EYS: variants seen among roughly 807,000 people sequenced by gnomAD.
The protein encoded by EYS is protein eyes shut homolog.
A neutral mutation model predicts 282.1 loss-of-function variants in EYS; 250 were observed. The observed-to-expected ratio is 0.89, with a 90% CI of 0.80 to 0.98. The LOEUF is 0.98. EYS is among the 50% of genes least tolerant of loss of function. EYS has a pLI of 0.00. For missense variants in EYS, 4,016 were observed against 3,709.0 expected, an observed-to-expected ratio of 1.08 and a Z score of -2.15; for synonymous variants, 1,355 against 1,282.9, an observed-to-expected ratio of 1.06 and a Z score of -1.20.
At chr6:64,829,015 C>T (rs938774721) in intron 19 of EYS, among the ~76,000 whole-genome samples, 1 of 151,894 alleles carries the variant, frequency 6.6e-6, no homozygotes, top group Non-Finnish European at 1.5e-5. Context: ...TGGTCATAAT[C>T]TTTGGGTGGA....
intron 30 of EYS, among the ~76,000 whole-genome samples, chr6:64,290,204 T>C (rs1311673592): frequency 6.6e-6 from 1 of 152,160 alleles, no homozygotes; most frequent in East Asian, 1.9e-4. Flanking sequence ...ACCAAGGAAG[T>C]ATTTTTATCA....
chr6:63,736,123 C>A (rs1265036111), intron 41 of EYS, among the ~76,000 whole-genome samples: 1 of 148,962 alleles, frequency 6.7e-6, no homozygotes, highest in African/African-American at 2.6e-5. Flanking sequence ...GCTTTTGTTG[C>A]CATTGCTTTT....
chr6:64,517,696 T>C (rs921819240), intron 26 of EYS, among the ~76,000 whole-genome samples: 2 of 151,686 alleles, frequency 1.3e-5, no homozygotes, highest in Admixed American at 6.6e-5. Flanking sequence ...ATTAATTACT[T>C]CTCATATTGA....
At chr6:64,418,869 G>T (rs1361485036) in intron 28 of EYS, among the ~76,000 whole-genome samples, 1 of 151,924 alleles carries the variant, frequency 6.6e-6, no homozygotes, top group Admixed American at 6.6e-5. Flanking sequence ...ATTGTGATTT[G>T]ATCACACAGT....
At chr6:63,774,757 C>T (rs1211298854) in intron 40 of EYS, among the ~76,000 whole-genome samples, 1 of 151,530 alleles carries the variant, frequency 6.6e-6, no homozygotes, top group Non-Finnish European at 1.5e-5. Flanking sequence ...AAAAAAGTAC[C>T]ACTTAAATAA....
chr6:65,151,435 A>G (rs1028721566), intron 12 of EYS, among the ~76,000 whole-genome samples: 2 of 151,980 alleles, frequency 1.3e-5, no homozygotes, highest in Non-Finnish European at 2.9e-5. Context: ...ATGGCTATTT[A>G]AGATTGTCAA....
intron 2 of EYS, among the ~76,000 whole-genome samples, chr6:65,503,300 G>A (rs932400726): frequency 2.0e-5 from 3 of 151,496 alleles, no homozygotes; most frequent in Admixed American, 6.6e-5. Flanking sequence ...TCTTATGCAC[G>A]TTTAATTAGT....
At chr6:64,257,458 G>A (rs1434772916) in intron 30 of EYS, among the ~76,000 whole-genome samples, 1 of 151,898 alleles carries the variant, frequency 6.6e-6, no homozygotes, top group Non-Finnish European at 1.5e-5. Flanking sequence ...TATCCAAGCT[G>A]ACCCAAATCC....
chr6:64,620,424 C>G (rs1767409440), intron 23 of EYS, among the ~76,000 whole-genome samples: 2 of 152,124 alleles, frequency 1.3e-5, no homozygotes, highest in African/African-American at 4.8e-5. Context: ...GAAATGGTCT[C>G]CATCAGAGCC....
chr6:64,995,104 T>G (rs1771205415), intron 14 of EYS, among the ~76,000 whole-genome samples: 2 of 152,148 alleles, frequency 1.3e-5, no homozygotes, highest in Admixed American at 1.3e-4. Context: ...CTGCATCAGC[T>G]TGGCCCCTGC....
chr6:64,258,816 C>T (rs1370038905), intron 30 of EYS, among the ~76,000 whole-genome samples: 2 of 151,844 alleles, frequency 1.3e-5, no homozygotes, highest in Admixed American at 6.6e-5. Flanking sequence ...CCATGTTATA[C>T]CCCCATAGAC....
chr6:64,374,179 C>T (rs13208882), intron 29 of EYS, among the ~76,000 whole-genome samples: 86,140 of 114,818 alleles, frequency 0.75, 29,608 homozygotes, highest in South Asian at 0.78. Context: ...GTAGGGTTGG[C>T]GGGGGGTATG....
At chr6:64,244,202 C>A (rs140881869) in intron 30 of EYS, among the ~76,000 whole-genome samples, 5 of 152,096 alleles carry the variant, frequency 3.3e-5, no homozygotes, top group Non-Finnish European at 7.4e-5. Context: ...AGAATATATG[C>A]TTCCTCACTT....
chr6:64,123,118 C>T (rs1434195989), intron 31 of EYS, among the ~76,000 whole-genome samples: 1 of 152,102 alleles, frequency 6.6e-6, no homozygotes, highest in African/African-American at 2.4e-5. Context: ...GATATCTGAG[C>T]TCTGATGCAA....
At chr6:64,529,322 T>C (rs1377132278) in intron 26 of EYS, among the ~76,000 whole-genome samples, 3 of 152,090 alleles carry the variant, frequency 2.0e-5, no homozygotes, top group Admixed American at 1.3e-4. Flanking sequence ...TGAATGTCTG[T>C]GTATTATGAT....
chr6:64,390,456 G>T (rs1773080606), intron 28 of EYS, among the ~76,000 whole-genome samples: 1 of 151,816 alleles, frequency 6.6e-6, no homozygotes, highest in South Asian at 2.1e-4. Flanking sequence ...CCTCAAGTGG[G>T]TCCCTCACCC....
chr6:64,193,529 C>A (rs1328968936), intron 31 of EYS, among the ~76,000 whole-genome samples: 1 of 151,618 alleles, frequency 6.6e-6, no homozygotes, highest in Non-Finnish European at 1.5e-5. Context: ...ACTTTAAGTT[C>A]TAGGGTACAT....
intron 26 of EYS, among the ~76,000 whole-genome samples, chr6:64,444,693 C>A (rs1262550589): frequency 6.6e-6 from 1 of 152,130 alleles, no homozygotes; most frequent in Non-Finnish European, 1.5e-5. Context: ...CCTCCAAATC[C>A]CATGTGGAAA....
chr6:65,424,015 A>G (rs558607888), intron 5 of EYS, among the ~76,000 whole-genome samples: 4 of 151,934 alleles, frequency 2.6e-5, no homozygotes, highest in Non-Finnish European at 4.4e-5. Context: ...TTCAAAGTCT[A>G]ACTTTAATCC....
Sources: allele counts gnomAD v4.1 joint callset (sites outside exome capture counted in the v4.1 genomes callset), GRCh38; gene constraint gnomAD v4.1.1; transcripts MANE v1.5; gene names NCBI Gene and HGNC (gene_info 2026-07-23, HGNC 2026-07-21).